STIM1: variants seen among roughly 807,000 people sequenced by gnomAD.
The protein encoded by STIM1 is stromal interaction molecule 1.
A neutral mutation model predicts 74.7 loss-of-function variants in STIM1; 25 were observed. The observed-to-expected ratio is 0.33, with a 90% CI of 0.24 to 0.47. The LOEUF (loss-of-function observed/expected upper bound fraction) is 0.47. Among genes scored for constraint, STIM1 ranks in the 20% least tolerant of loss-of-function variants. STIM1 has a pLI of 1.00. For synonymous variants in STIM1, 328 were observed against 348.8 expected, an observed-to-expected ratio of 0.94 and a Z score of 0.66; for missense variants, 728 against 920.8, an observed-to-expected ratio of 0.79 and a Z score of 2.71.
At chr11:4,014,338 G>T (rs1257620851) in intron 2 of STIM1, among the ~76,000 whole-genome samples, 2 of 152,188 alleles carry the variant, frequency 1.3e-5, no homozygotes, top group Non-Finnish European at 2.9e-5. Context: ...AGGTTGTTCA[G>T]TTCCCACGTA....
chr11:3,959,110 T>C (rs2093255502), intron 1 of STIM1, among the ~76,000 whole-genome samples: 1 of 152,176 alleles, frequency 6.6e-6, no homozygotes, highest in Non-Finnish European at 1.5e-5. Flanking sequence ...CTCTCAAGTC[T>C]TAGTCTTTTG....
chr11:3,939,573 C>G (rs185912661), intron 1 of STIM1, among the ~76,000 whole-genome samples: 1 of 152,096 alleles, frequency 6.6e-6, no homozygotes, highest in African/African-American at 2.4e-5. Flanking sequence ...TCTCATTTGA[C>G]CCTCCCAATA....
At chr11:3,940,495 T>A (rs576729009) in intron 1 of STIM1, among the ~76,000 whole-genome samples, 1 of 152,314 alleles carries the variant, frequency 6.6e-6, no homozygotes, top group South Asian at 2.1e-4. Context: ...TTTTTCCTTT[T>A]CTGTAAAATG....
chr11:3,904,675 T>A (rs13328911), intron 1 of STIM1, among the ~76,000 whole-genome samples: 1 of 151,932 alleles, frequency 6.6e-6, no homozygotes, highest in Non-Finnish European at 1.5e-5. Context: ...AGGGTAGTGG[T>A]CATGGGGGTT....
chr11:3,994,233 T>C (rs2093641472), intron 2 of STIM1, among the ~76,000 whole-genome samples: 1 of 152,206 alleles, frequency 6.6e-6, no homozygotes, highest in Non-Finnish European at 1.5e-5. Flanking sequence ...ACTGTTAATC[T>C]TACTGGGTTC....
At chr11:4,042,059 G>A (rs189349589) in intron 3 of STIM1, among the ~76,000 whole-genome samples, 3 of 152,316 alleles carry the variant, frequency 2.0e-5, no homozygotes, top group East Asian at 1.9e-4. Context: ...TGAGGGCTTC[G>A]TCTGGAGGCA....
chr11:4,049,763 CAT>C lies in STIM1; in HGVS notation c.386-5762_386-5761del, dbSNP rs1226201079. On this transcript the variant is annotated intron_variant, in intron 3 of 12. Coordinates refer to ENST00000526596, the MANE Select transcript of STIM1 (RefSeq NM_001382567.1). ...ACACACACACACACACACACACACACATGCTTAGAACGTGAATGATGGAGCCA... is the reference window on the plus strand; with the variant it reads ...ACACACACACACACACACACACACACGCTTAGAACGTGAATGATGGAGCCA... 5.5e-3 allele frequency among the ~76,000 whole-genome samples: 460 copies of C among 83,246 alleles called. 2 individuals carry two copies. The highest frequency in any genetic ancestry group is 0.012 in the African/African-American group (374 of 31,040). The allele number at this position is 83,246 out of a possible 152,430, so 54.6% of individuals were successfully genotyped here. A position where few individuals can be genotyped will look rare whatever the true frequency, so the allele number is the denominator to read the frequency against.
At chr11:4,049,287 G>A (rs1442639670) in intron 3 of STIM1, among the ~76,000 whole-genome samples, 2 of 151,272 alleles carry the variant, frequency 1.3e-5, no homozygotes, top group African/African-American at 2.4e-5. Flanking sequence ...CTTTCTACAG[G>A]CATTATCTGA....
chr11:3,936,184 TAA>T (rs1186987125), intron 1 of STIM1, among the ~76,000 whole-genome samples: 2 of 152,192 alleles, frequency 1.3e-5, no homozygotes, highest in African/African-American at 2.4e-5. Flanking sequence ...ACAGAGAAGT[TAA>T]GTGACTTGTG....
intron 1 of STIM1, among the ~76,000 whole-genome samples, chr11:3,928,216 C>T (rs572324260): frequency 4.7e-4 from 70 of 148,510 alleles, no homozygotes; most frequent in Non-Finnish European, 7.9e-4. Context: ...TGTAATCCTG[C>T]GTAACAGTCC....
chr11:4,045,058 G>T (rs1430179252), intron 3 of STIM1, among the ~76,000 whole-genome samples: 1 of 152,130 alleles, frequency 6.6e-6, no homozygotes. Flanking sequence ...TCACCACTGT[G>T]GTGTAGGGTG....
chr11:3,898,749 C>G (rs1433624829), intron 1 of STIM1, among the ~76,000 whole-genome samples: 1 of 150,214 alleles, frequency 6.7e-6, no homozygotes, highest in African/African-American at 2.4e-5. Context: ...GCCAGTTTTC[C>G]CAGCACCATT....
At chr11:4,024,184 C>T (rs1333538460) in intron 3 of STIM1, among the ~76,000 whole-genome samples, 197 bp downstream of exon 3, 2 of 152,118 alleles carry the variant, frequency 1.3e-5, no homozygotes, top group Non-Finnish European at 2.9e-5. Context: ...CCAGAGTTGG[C>T]GTTTTTCTTC....
chr11:3,911,318 C>G (rs1311660115), intron 1 of STIM1, among the ~76,000 whole-genome samples: 1 of 152,206 alleles, frequency 6.6e-6, no homozygotes, highest in Non-Finnish European at 1.5e-5. Flanking sequence ...ATTCTATGAT[C>G]TGGGTTCTGC....
chr11:4,058,031 A>T (rs2094304485), intron 4 of STIM1, among the ~76,000 whole-genome samples: 1 of 152,204 alleles, frequency 6.6e-6, no homozygotes, highest in Admixed American at 6.5e-5. Flanking sequence ...TTCATTGCTT[A>T]CAAGTAGATA....
intron 2 of STIM1, among the ~76,000 whole-genome samples, chr11:4,015,047 A>G (rs1167928711): frequency 1.3e-5 from 2 of 152,184 alleles, no homozygotes; most frequent in Admixed American, 6.5e-5. Context: ...TAGCCCATTT[A>G]CATTTAAGGT....
At chr11:3,895,865 CTCTTTCTTTTCTTT>C (rs1319298101) in intron 1 of STIM1, among the ~76,000 whole-genome samples, 2 of 93,422 alleles carry the variant, frequency 2.1e-5, no homozygotes, top group Non-Finnish European at 4.2e-5. Flanking sequence ...CTCTCTCTCT[CTCTTTCTTTTCTTT>C]TCTTTCTTTT....
chr11:3,904,569 A>C (rs531419662), intron 1 of STIM1, among the ~76,000 whole-genome samples: 1 of 151,984 alleles, frequency 6.6e-6, no homozygotes, highest in Non-Finnish European at 1.5e-5. Flanking sequence ...TTTTAGGAAG[A>C]CCTCTTATAT....
At chr11:3,898,812 G>A (rs201084232) in intron 1 of STIM1, among the ~76,000 whole-genome samples, 32,844 of 146,930 alleles carry the variant, frequency 0.22, 4,302 homozygotes, top group South Asian at 0.34. Context: ...GTTTGTCAAA[G>A]ATCAGATAGT....
Sources: gnomAD v4.1 joint callset for allele counts (sites outside exome capture counted in the v4.1 genomes callset) on GRCh38, gnomAD v4.1.1 for gene constraint, MANE v1.5 for transcripts, NCBI Gene and HGNC (gene_info 2026-07-23, HGNC 2026-07-21) for gene names.